GIT1: variants seen among roughly 807,000 people sequenced by gnomAD.
The protein encoded by GIT1 is GIT ArfGAP 1.
Under a neutral mutation model 91.7 loss-of-function variants are expected in GIT1, and 14 were observed. The ratio of observed to expected loss-of-function variants is 0.15; its 90% CI spans 0.10 to 0.24. The LOEUF is 0.24. Among genes scored for constraint, GIT1 ranks in the 10% least tolerant of loss-of-function variants. GIT1 has a pLI of 1.00. For synonymous variants in GIT1, 414 were observed against 418.2 expected (o/e 0.99, Z 0.12); for missense variants, 717 against 1,024.9 (o/e 0.70, Z 4.10).
chr17:29,582,710 T>A lies in GIT1; in HGVS notation c.393A>T (p.Lys131Asn), dbSNP rs2033445114. ...PCRDDDGVTA[K>N]DLSKQLHSSV... ...GGGCCCCTCAAACCTTGCTGAGGTC[T>A]TTGGCGGTGACTCCATCATCGTCCC... The change falls in exon 4 of 20, where the codon AAA becomes AAT. Residue 131 changes from lysine (K) to asparagine (N), a missense_variant. Physicochemically the swap from Lys to Asn is moderately conservative, Grantham distance 94 (BLOSUM62 0). Transcript: ENST00000225394. 9 of 1,611,996 alleles carry A rather than the reference T, an allele frequency of 5.6e-6. No homozygotes were observed. Among genetic ancestry groups the A allele is most frequent in the Non-Finnish European group, 7.6e-6 (9 of 1,178,606 alleles).
rs909994794 is a variant in GIT1 at position 29,581,125 on chromosome 17, C to T, written c.761+213G>A. On this transcript the variant is annotated intron_variant, in intron 7 of 19. Coordinates refer to ENST00000225394, the MANE Select transcript of GIT1 (RefSeq NM_014030.4). The surrounding 1 kb of genome is among the most constrained non-coding windows in gnomAD (Gnocchi z 4.8). The stretch of plus-strand genomic sequence containing the variant: ...AAGCCCTCCATGTACTTGACAGTCA[C>T]GGGGCTCAGGCTATGCGGGCCACAT... 10 of 591,412 alleles carry T rather than the reference C, an allele frequency of 1.7e-5. No homozygotes were observed. The highest frequency in any genetic ancestry group is 5.8e-5 in the Admixed American group (2 of 34,770). The allele number at this position is 591,412 out of a possible 1,614,324, so 36.6% of individuals were successfully genotyped here. A position where few individuals can be genotyped will look rare whatever the true frequency, so the allele number is the denominator to read the frequency against.
At chr17:29,579,084 C>A in intron 7 of GIT1, 1 of 1,058,014 alleles carries the variant, frequency 9.5e-7, no homozygotes, top group Non-Finnish European at 1.5e-6. Flanking sequence ...CAGGCCCAGA[C>A]CCATCTCCAC....
intron 1 of GIT1, among the ~76,000 whole-genome samples, chr17:29,584,651 C>T (rs900416469): frequency 3.3e-5 from 5 of 152,194 alleles, no homozygotes; most frequent in African/African-American, 1.2e-4. Flanking sequence ...CCAGCGGCCC[C>T]CACCCTGTCT....
intron 1 of GIT1, among the ~76,000 whole-genome samples, chr17:29,587,382 C>T (rs2033625750): frequency 6.6e-6 from 1 of 152,154 alleles, no homozygotes; most frequent in South Asian, 2.1e-4. Context: ...GTAAGACTGT[C>T]CACATCCTCC....
At position 29,581,455 on chromosome 17, in the gene GIT1, CAT is replaced by C. The variant is rs2150843477; in HGVS notation, c.719-77_719-76del. On this transcript the variant is annotated intron_variant, in intron 6 of 19. Coordinates refer to ENST00000225394, the MANE Select transcript of GIT1 (RefSeq NM_014030.4). The surrounding 1 kb of genome is among the most constrained non-coding windows in gnomAD (Gnocchi z 4.8). ...AGCAGCTGGGAGCCCACCTCACTGC[CAT>C]GAGCAGGGCTGGCACCCAGAAGTGT... 1 of 1,159,672 alleles carries C rather than the reference CAT, an allele frequency of 8.6e-7. No homozygotes were observed. The highest frequency in any genetic ancestry group is 2.3e-5 in the East Asian group (1 of 42,906). The allele number at this position is 1,159,672 out of a possible 1,614,324, so 71.8% of individuals were successfully genotyped here.
At chr17:29,578,916 G>C (rs368951635) in intron 7 of GIT1, 137 bp from the exon 8 acceptor site, 2 of 1,603,130 alleles carry the variant, frequency 1.2e-6, no homozygotes, top group South Asian at 1.1e-5. Flanking sequence ...ATGCCTCCCC[G>C]CCCTACCCCA....
At chr17:29,579,311 C>T (rs1299322808) in intron 7 of GIT1, 5 of 423,092 alleles carry the variant, frequency 1.2e-5, no homozygotes, top group African/African-American at 2.0e-5. Flanking sequence ...CTTAATCTCC[C>T]TCCTTCTAGT....
Position 29,581,959 on chromosome 17 carries a change from A to G in GIT1, c.591T>C (p.Asp197=), listed in dbSNP as rs2033412798. 1.2e-6 allele frequency: 2 copies of G among 1,612,552 alleles called. No individual in the cohort carries two copies. The highest frequency in any genetic ancestry group is 2.7e-5 in the African/African-American group (2 of 74,808). ...VVYGADPGSP[D]VNGRTPIDYA... is the part of the protein sequence containing the mutation. ...AGTCAATGGGTGTGCGGCCATTAAC[A>G]TCAGGGGAGCCAGGGTCAGCCCCAT... Residue 197 remains aspartate, a synonymous_variant, in exon 5 of 20, where the codon GAT becomes GAC. Transcript: ENST00000225394. This position sits in a 1 kb window ranked among gnomAD's most constrained non-coding sequence, Gnocchi z 4.8.
Position 29,583,437 on chromosome 17 carries a change from C to A in GIT1, c.186+46G>T, listed in dbSNP as rs747630339. The A allele has an allele frequency of 1.9e-6, 3 of 1,596,258 alleles. No homozygotes were observed. In the African/African-American group the frequency reaches 4.0e-5, roughly 21 times the overall value. ...GGGGGAAACGCCCTCATGCTCAGCA[C>A]ACTCTGCCTGAGGGGAAGGAAGAAC... is the stretch of plus-strand genomic sequence containing the variant. On this transcript the variant is annotated intron_variant, in intron 2 of 19. Coordinates refer to ENST00000225394, the MANE Select transcript of GIT1 (RefSeq NM_014030.4).
chr17:29,583,262 G>A (rs866284935), intron 2 of GIT1, among the ~76,000 whole-genome samples: 6 of 152,160 alleles, frequency 3.9e-5, no homozygotes, highest in African/African-American at 9.7e-5. Flanking sequence ...AATGCTACAC[G>A]ACCACGTTGA....
intron 15 of GIT1, 72 bp downstream of exon 15, chr17:29,576,006 C>T: frequency 1.3e-6 from 2 of 1,568,280 alleles, no homozygotes; most frequent in Non-Finnish European, 1.8e-6. Flanking sequence ...GCCCCGAATT[C>T]AGCACAGAGC....
In GIT1 at chr17:29,582,806, G is replaced by A; in HGVS notation, c.300-3C>T. ...TGATGAACTCTGACTTGATGGGGCT[G>A]CATGGGGCACACAGGAGGAATGGGG... On this transcript the variant is annotated splice_polypyrimidine_tract_variant and splice_region_variant and intron_variant, in intron 3 of 19. Transcript: ENST00000225394. 1 of 1,609,642 alleles carries A rather than the reference G, an allele frequency of 6.2e-7. No homozygotes were observed. Among genetic ancestry groups the A allele is most frequent in the East Asian group, 2.2e-5 (1 of 44,870 alleles).
chr17:29,583,734 A>C, intron 1 of GIT1, 118 bp from the exon 2 acceptor site: 1 of 1,150,954 alleles, frequency 8.7e-7, no homozygotes, highest in South Asian at 1.5e-5. Context: ...TCAGTCTCCA[A>C]CAGCCTAGGA....
chr17:29,581,321 A>C lies in GIT1; in HGVS notation c.761+17T>G, dbSNP rs1351291724. The C allele has an allele frequency of 6.3e-7, 1 of 1,598,638 alleles. No individual in the cohort carries two copies. Among genetic ancestry groups the C allele is most frequent in the Non-Finnish European group, 8.6e-7 (1 of 1,166,382 alleles). On this transcript the variant is annotated intron_variant, in intron 7 of 19. Coordinates refer to ENST00000225394, the MANE Select transcript of GIT1 (RefSeq NM_014030.4). This position sits in a 1 kb window ranked among gnomAD's most constrained non-coding sequence, Gnocchi z 4.8. ...CATCCAACAGCCTCTGGAAAGGGGC[A>C]TCAGGTGGGCACTCACCTGTCAGCC...
chr17:29,583,712 A>G, intron 1 of GIT1, 96 bp from the exon 2 acceptor site: 1 of 1,309,858 alleles, frequency 7.6e-7, no homozygotes, highest in Non-Finnish European at 1.0e-6. Context: ...TACTCTCCAC[A>G]CATTCACTCA....
intron 10 of GIT1, 116 bp downstream of exon 10, chr17:29,577,527 CCT>C (rs1035843707): frequency 5.2e-6 from 4 of 769,788 alleles, no homozygotes; most frequent in African/African-American, 3.4e-5. Flanking sequence ...CCAGCTGTGC[CCT>C]GAGGGAGGCC....
intron 9 of GIT1, 26 bp from the exon 10 acceptor site, chr17:29,577,768 C>A: frequency 2.8e-6 from 4 of 1,438,244 alleles, no homozygotes; most frequent in Non-Finnish European, 3.9e-6. Context: ...AGGAGCAGAT[C>A]AGCCACGGTG....
In GIT1 at chr17:29,581,595, C is replaced by A; in HGVS notation, c.718+147G>T. The stretch of plus-strand genomic sequence containing the variant: ...CAGCGATGCTATGGCCCAGAGCCTG[C>A]AGTAATTTCACAGGAGCCAGTTGCC... On this transcript the variant is annotated intron_variant, in intron 6 of 19. Coordinates refer to ENST00000225394, the MANE Select transcript of GIT1 (RefSeq NM_014030.4). This position sits in a 1 kb window ranked among gnomAD's most constrained non-coding sequence, Gnocchi z 4.8. 1.4e-6 allele frequency: 1 copy of A among 706,900 alleles called. No homozygotes were observed. The highest frequency in any genetic ancestry group is 2.5e-6 in the Non-Finnish European group (1 of 405,100). 43.8% of individuals were successfully genotyped at this position (706,900 alleles called of 1,614,324 possible).
Position 29,576,694 on chromosome 17 carries a change from C to G in GIT1, c.1228-20G>C, listed in dbSNP as rs763390530. ...CATGCTCTGCAGAGAGAGACCTAAG[C>G]TGGTCAGCACCTGGGGGCAGGGAGG... On this transcript the variant is annotated intron_variant, in intron 12 of 19. Coordinates refer to ENST00000225394, the MANE Select transcript of GIT1 (RefSeq NM_014030.4). 1.4e-5 allele frequency: 22 copies of G among 1,613,174 alleles called. No homozygotes were observed. Among genetic ancestry groups the G allele is most frequent in the African/African-American group, 2.7e-5 (2 of 74,932 alleles).
Sources: gnomAD v4.1 joint callset for allele counts (sites outside exome capture counted in the v4.1 genomes callset) on GRCh38, gnomAD v4.1.1 for gene constraint, Gnocchi (gnomAD v3.1) non-coding constraint, MANE v1.5 for transcripts, NCBI Gene and HGNC (gene_info 2026-07-23, HGNC 2026-07-21) for gene names.